The following ZNF613 variants were observed in gnomAD, a reference collection of about 807,000 sequenced individuals.
The protein encoded by ZNF613 is zinc finger protein 613.
In ZNF613, 8 loss-of-function variants were observed where a neutral mutation model predicts 14.3. The observed-to-expected ratio is 0.56, with a 90% CI of 0.33 to 1.01. The LOEUF (loss-of-function observed/expected upper bound fraction) is 1.01. ZNF613 is among the 50% of genes least tolerant of loss of function. The pLI, the probability that ZNF613 is intolerant of heterozygous loss-of-function variation, is 0.03. For missense variants in ZNF613, 656 were observed against 741.9 expected, an observed-to-expected ratio of 0.88 and a Z score of 1.35; for synonymous variants, 228 against 254.5, an observed-to-expected ratio of 0.90 and a Z score of 0.99.
In ZNF613 at chr19:51,936,123, C is replaced by T; in HGVS notation, c.-98C>T. 7.5e-7 allele frequency: 1 copy of T among 1,335,870 alleles called. No homozygotes were observed. The highest frequency in any genetic ancestry group is 1.0e-6 in the Non-Finnish European group (1 of 969,606). 82.8% of individuals were successfully genotyped at this position (1,335,870 alleles called of 1,614,324 possible). ...CATCCTTTGCAGGGATGTAATTCACCAGAGACCAAGATTTCTAGCCAGAAA... is the reference window on the plus strand; with the variant it reads ...CATCCTTTGCAGGGATGTAATTCACTAGAGACCAAGATTTCTAGCCAGAAA... On this transcript the variant is annotated 5_prime_UTR_variant, in exon 3 of 6. Coordinates refer to ENST00000293471, the MANE Select transcript of ZNF613 (RefSeq NM_001031721.4).
At chr19:51,941,865 C>T (rs1027282393) in intron 5 of ZNF613, among the ~76,000 whole-genome samples, 1 of 152,204 alleles carries the variant, frequency 6.6e-6, no homozygotes, top group African/African-American at 2.4e-5. Flanking sequence ...TAGTCTCATT[C>T]TCTTTCCAAC....
Position 51,945,057 on chromosome 19 carries a change from C to A in ZNF613, c.1174C>A (p.Arg392=), listed in dbSNP as rs2085385816. ...IQKGNLIVHQ[R]IHTGEKPYIC... Reference sequence around the variant, plus strand: ...GAAGGGAAATCTCATTGTACATCAGCGAATTCATACTGGAGAAAAACCCTA... The same window carrying A: ...GAAGGGAAATCTCATTGTACATCAGAGAATTCATACTGGAGAAAAACCCTA... The change falls in exon 6 of 6, where the codon CGA becomes AGA. Residue 392 remains arginine (R), a synonymous_variant. Transcript: ENST00000293471. 1.9e-6 allele frequency: 3 copies of A among 1,613,966 alleles called. No homozygotes were observed. Among genetic ancestry groups the A allele is most frequent in the Non-Finnish European group, 2.5e-6 (3 of 1,179,998 alleles).
chr19:51,934,837 G>A (rs77440356), intron 2 of ZNF613, among the ~76,000 whole-genome samples: 14 of 152,330 alleles, frequency 9.2e-5, no homozygotes, highest in Middle Eastern at 3.4e-3. Context: ...GGATGTCACT[G>A]AAATGTTGCA....
chr19:51,938,672 T>C (rs1268658798), intron 3 of ZNF613, among the ~76,000 whole-genome samples: 1 of 150,774 alleles, frequency 6.6e-6, no homozygotes, highest in Non-Finnish European at 1.5e-5. Context: ...AAGCCAGTTC[T>C]TACACCCTCA....
intron 3 of ZNF613, among the ~76,000 whole-genome samples, chr19:51,937,352 G>A (rs1229734282): frequency 6.6e-6 from 1 of 152,206 alleles, no homozygotes; most frequent in Non-Finnish European, 1.5e-5. Context: ...AGGAGTTGGT[G>A]TCAGAATTGA....
chr19:51,936,277 T>C, intron 3 of ZNF613, 42 bp downstream of exon 3: 1 of 1,587,082 alleles, frequency 6.3e-7, no homozygotes. Context: ...ATCACATGAT[T>C]GATTTCTGGA....
chr19:51,936,337 T>C lies in ZNF613; in HGVS notation c.15+102T>C, dbSNP rs902695625. On this transcript the variant is annotated intron_variant, in intron 3 of 5. Coordinates refer to ENST00000293471, the MANE Select transcript of ZNF613 (RefSeq NM_001031721.4). Reference sequence around the variant, plus strand: ...AGTCAAAAAGTATAATTTGGTAAACTAGGATTTGTGCATCAGTAAATTTAG... The same window carrying C: ...AGTCAAAAAGTATAATTTGGTAAACCAGGATTTGTGCATCAGTAAATTTAG... 51 of 1,234,402 alleles carry C rather than the reference T, an allele frequency of 4.1e-5. No individual in the cohort carries two copies. The South Asian group carries it at 6.8e-4, about 16-fold the overall frequency. 76.5% of individuals were successfully genotyped at this position (1,234,402 alleles called of 1,614,324 possible). A position where few individuals can be genotyped will look rare whatever the true frequency, so the allele number is the denominator to read the frequency against.
chr19:51,937,014 C>G (rs1209846111), intron 3 of ZNF613, among the ~76,000 whole-genome samples: 1 of 152,160 alleles, frequency 6.6e-6, no homozygotes, highest in Admixed American at 6.5e-5. Context: ...GTTTGGAGAG[C>G]TGGGTTGGTA....
In ZNF613 at chr19:51,945,791, T is replaced by C; in HGVS notation, c.*54T>C. On this transcript the variant is annotated 3_prime_UTR_variant, in exon 6 of 6. Transcript: ENST00000293471. ...GTGCTTTCAGTGATCAATTACATCATATGTCACAAAAAACACAGAGGAACA... is the reference window on the plus strand; with the variant it reads ...GTGCTTTCAGTGATCAATTACATCACATGTCACAAAAAACACAGAGGAACA... 6.3e-7 allele frequency: 1 copy of C among 1,592,866 alleles called. No homozygotes were observed. Among genetic ancestry groups the C allele is most frequent in the Non-Finnish European group, 8.6e-7 (1 of 1,166,626 alleles).
chr19:51,944,240 T>C lies in ZNF613; in HGVS notation c.357T>C (p.Asp119=). 1 of 1,610,858 alleles carries C rather than the reference T, an allele frequency of 6.2e-7. No individual in the cohort carries two copies. The part of the protein sequence containing the change: ...FGNIIHQRKS[D]FPLRQNHDTF... ...ACATCATTCATCAGAGGAAAAGTGA[T>C]TTTCCTTTAAGGCAAAATCATGATA... Residue 119 remains aspartate, a synonymous_variant, in exon 6 of 6, where the codon GAT becomes GAC. Coordinates refer to ENST00000293471, the MANE Select transcript of ZNF613 (RefSeq NM_001031721.4).
intron 1 of ZNF613, among the ~76,000 whole-genome samples, chr19:51,928,441 C>G (rs1011486651): frequency 6.6e-6 from 1 of 152,210 alleles, no homozygotes; most frequent in South Asian, 2.1e-4. Context: ...TACATTCCCT[C>G]TCAGTCCCTT....
chr19:51,936,591 C>T (rs2122813642), intron 3 of ZNF613, among the ~76,000 whole-genome samples: 1 of 152,218 alleles, frequency 6.6e-6, no homozygotes, highest in East Asian at 1.9e-4. Flanking sequence ...TGGGCTCAAG[C>T]GATCATCCCA....
Position 51,936,172 on chromosome 19 carries a change from T to C in ZNF613, c.-49T>C. 1 of 1,588,186 alleles carries C rather than the reference T, an allele frequency of 6.3e-7. No homozygotes were observed. The highest frequency in any genetic ancestry group is 8.6e-7 in the Non-Finnish European group (1 of 1,167,744). ...AATTGAGGGCAGCTCAAGGAGAGAC[T>C]ACAGACACAGCATCCTACTTACTGG... is the stretch of plus-strand genomic sequence containing the variant. On this transcript the variant is annotated 5_prime_UTR_variant, in exon 3 of 6. Transcript: ENST00000293471.
At chr19:51,944,081 A>T in intron 5 of ZNF613, 38 bp from the exon 6 acceptor site, 1 of 1,494,872 alleles carries the variant, frequency 6.7e-7, no homozygotes, top group Non-Finnish European at 8.9e-7. Context: ...GTTCTATTCC[A>T]TGCTCATGGA....
chr19:51,943,221 G>T (rs558733376), intron 5 of ZNF613, among the ~76,000 whole-genome samples: 1 of 152,202 alleles, frequency 6.6e-6, no homozygotes, highest in Non-Finnish European at 1.5e-5. Flanking sequence ...GAGTGTTAGT[G>T]AGTTTCAGAA....
At chr19:51,938,725 GATATATATAT>G (rs113608259) in intron 3 of ZNF613, among the ~76,000 whole-genome samples, 4,028 of 118,888 alleles carry the variant, frequency 0.034, 104 homozygotes, top group South Asian at 0.042. Context: ...AATGTACATG[GATATATATAT>G]ATATATATAT....
In ZNF613 at chr19:51,944,754, A is replaced by G. The variant is rs747610517; in HGVS notation, c.871A>G (p.Ser291Gly). The stretch of plus-strand genomic sequence containing the variant: ...TACAGGAGAGAAGTCATATATATGC[A>G]GTGATTGTGGAAAAGGCTTCATCAA... ...IHTGEKSYICSDCGKGFIKKS... is the reference protein window; with the variant it reads ...IHTGEKSYICGDCGKGFIKKS... Residue 291 changes from serine to glycine, a missense_variant, in exon 6 of 6, where the codon AGT (serine) becomes GGT (glycine). Ser to Gly is a moderately conservative substitution (Grantham distance 56, BLOSUM62 0). Transcript: ENST00000293471. The G allele has an allele frequency of 1.2e-6, 2 of 1,610,670 alleles. No individual in the cohort carries two copies. The highest frequency in any genetic ancestry group is 1.1e-5 in the South Asian group (1 of 90,938).
chr19:51,940,482 C>T, intron 4 of ZNF613, 135 bp from the exon 5 acceptor site: 3 of 1,496,650 alleles, frequency 2.0e-6, no homozygotes, highest in Middle Eastern at 2.2e-4. Flanking sequence ...GTGTAATGTG[C>T]CCCCTTTAGA....
chr19:51,928,075 A>G (rs1197327447), intron 1 of ZNF613: 1 of 147,654 alleles, frequency 6.8e-6, no homozygotes, highest in Non-Finnish European at 1.5e-5. Flanking sequence ...CTATCTATCT[A>G]TCTAATTTAT....
Sources: gnomAD v4.1 joint callset for allele counts (sites outside exome capture counted in the v4.1 genomes callset) on GRCh38, gnomAD v4.1.1 for gene constraint, MANE v1.5 for transcripts, NCBI Gene and HGNC (gene_info 2026-07-23, HGNC 2026-07-21) for gene names.